USP36: variants seen among roughly 807,000 people sequenced by gnomAD.
The protein encoded by USP36 is ubiquitin specific peptidase 36.
In USP36, 59 loss-of-function variants were observed where a neutral mutation model predicts 111.5. The ratio of observed to expected loss-of-function variants is 0.53; its 90% CI spans 0.43 to 0.66. The LOEUF is 0.66. Ranked by LOEUF, USP36 falls within the 30% of genes least tolerant of loss-of-function variation. USP36 has a pLI of 0.00. For synonymous variants in USP36, 628 were observed against 581.0 expected, an observed-to-expected ratio of 1.08 and a Z score of -1.16; for missense variants, 1,488 against 1,468.0, an observed-to-expected ratio of 1.01 and a Z score of -0.22.
At position 78,826,729 on chromosome 17, in the gene USP36, G is replaced by A. The variant is rs995625330; in HGVS notation, c.689+516C>T. 3 of 231,372 alleles carry A rather than the reference G, an allele frequency of 1.3e-5. No individual in the cohort carries two copies. The East Asian group carries it at 2.8e-4, about 21-fold the overall frequency. 14.3% of individuals were successfully genotyped at this position (231,372 alleles called of 1,614,324 possible). A position where few individuals can be genotyped will look rare whatever the true frequency, so the allele number is the denominator to read the frequency against. ...AACCATCACATATAAGGGCTTACGT[G>A]GCGTGTGAATAAGAAACAGCAGCCA... On this transcript the variant is annotated intron_variant, in intron 6 of 20. Transcript: ENST00000449938.
chr17:78,806,363 C>T, intron 14 of USP36, 77 bp from the exon 15 acceptor site: 2 of 1,551,296 alleles, frequency 1.3e-6, no homozygotes, highest in East Asian at 2.3e-5. Flanking sequence ...ACAAAAGTAA[C>T]AAAAAATGAA....
In USP36 at chr17:78,803,648, C is replaced by T; in HGVS notation, c.2547G>A (p.Lys849=). The T allele has an allele frequency of 6.2e-7, 1 of 1,603,868 alleles. No homozygotes were observed. Among genetic ancestry groups the T allele is most frequent in the Non-Finnish European group, 8.5e-7 (1 of 1,175,750 alleles). Residue 849 remains lysine (K), a synonymous_variant, in exon 16 of 21, where the codon AAG becomes AAA. Transcript: ENST00000449938. The surrounding 1 kb of genome is among the most constrained non-coding windows in gnomAD (Gnocchi z 4.6). ...APHGKRKRKK[K]KRPEDTAASA... ...TGGCAGCTGTGTCCTCCGGGCGCTTCTTCTTCTTCCTCTTCCTCTTCCCGT... is the reference window on the plus strand; with the variant it reads ...TGGCAGCTGTGTCCTCCGGGCGCTTTTTCTTCTTCCTCTTCCTCTTCCCGT...
At chr17:78,833,427 G>C (rs2068338632) in intron 4 of USP36, among the ~76,000 whole-genome samples, 2 of 152,034 alleles carry the variant, frequency 1.3e-5, no homozygotes, top group African/African-American at 4.8e-5. Context: ...GATTACAGGT[G>C]TGAGCCACCG....
At chr17:78,799,620 A>C in intron 18 of USP36, 47 bp downstream of exon 18, 1 of 1,587,600 alleles carries the variant, frequency 6.3e-7, no homozygotes. Context: ...CCTCCTACAA[A>C]ACCAACCAAT....
rs150845794 is a variant in USP36, at chr17:78,813,460, C to T, written c.1265+313G>A. ...TCCCTACAGGGGCAGCTTCCCCACA[C>T]GGGAAGGGGCATTGGCTGGCTACCA... On this transcript the variant is annotated intron_variant, in intron 12 of 20. Transcript: ENST00000449938. Among the ~76,000 whole-genome samples, 95 of 152,284 alleles carry T rather than the reference C, an allele frequency of 6.2e-4. 1 individual carries two copies. The East Asian group carries it at 0.016, about 25-fold the overall frequency.
downstream of USP36, among the ~76,000 whole-genome samples, chr17:78,792,803 C>G (rs2093594266): frequency 6.6e-6 from 1 of 152,142 alleles, no homozygotes; most frequent in African/African-American, 2.4e-5. Context: ...ACTGCAACCT[C>G]CACCTCCCAG....
At chr17:78,826,333 G>A (rs887733272) in intron 6 of USP36, 4 of 152,198 alleles carry the variant, frequency 2.6e-5, no homozygotes, top group Non-Finnish European at 5.9e-5. Context: ...TTGGAGACCA[G>A]CCTGGCCAAC....
intron 7 of USP36, chr17:78,821,285 T>G (rs1343843407): frequency 6.5e-6 from 3 of 460,036 alleles, no homozygotes; most frequent in African/African-American, 2.0e-5. Context: ...GGGCCCTCCC[T>G]GCCTGGACTG....
Position 78,829,006 on chromosome 17 carries a change from G to C in USP36, c.477C>G (p.Cys159Trp), listed in dbSNP as rs757967737. 9 of 1,612,340 alleles carry C rather than the reference G, an allele frequency of 5.6e-6. No homozygotes were observed. Among genetic ancestry groups the C allele is most frequent in the Non-Finnish European group, 6.8e-6 (8 of 1,179,280 alleles). Reference sequence around the variant, plus strand: ...ACAGCATGCAGAAGCTTCCCTGGTGGCCTGCCGGCGTGGAAGGAGGAGCAA... The same window carrying C: ...ACAGCATGCAGAAGCTTCCCTGGTGCCCTGCCGGCGTGGAAGGAGGAGCAA... ...YLLSKEHARS[C>W]HQGSFCMLCV... The change falls in exon 5 of 21, where the codon TGC (cysteine) becomes TGG (tryptophan). Residue 159 changes from cysteine to tryptophan, a missense_variant and splice_region_variant. Around this residue, in one of 3 missense-constraint regions of USP36, gnomAD observed 219 missense variants for 209.5 expected, o/e 1.05. Transcript: ENST00000449938.
At chr17:78,823,223 A>C (rs909170018) in intron 6 of USP36, 20 of 398,552 alleles carry the variant, frequency 5.0e-5, no homozygotes, top group Non-Finnish European at 7.5e-5. Flanking sequence ...GCCACCATCT[A>C]CTGTCCCACC....
At chr17:78,809,949 C>A (rs554194809) in intron 13 of USP36, among the ~76,000 whole-genome samples, 2 of 151,640 alleles carry the variant, frequency 1.3e-5, no homozygotes, top group African/African-American at 4.8e-5. Flanking sequence ...CGGGTTCAAG[C>A]GATTCTCCTA....
chr17:78,818,499 A>G lies in USP36; in HGVS notation c.1023+168T>C, dbSNP rs74001269. Among the ~76,000 whole-genome samples, 227 of 152,360 alleles carry G rather than the reference A, an allele frequency of 1.5e-3. 2 individuals carry two copies. The highest frequency in any genetic ancestry group is 5.3e-3 in the African/African-American group (220 of 41,592). Reference sequence around the variant, plus strand: ...CTGTGACTGTCTTCCCGTCCTGGACAAGGGCGAAACTACAGTCCCTACTTC... The same window carrying G: ...CTGTGACTGTCTTCCCGTCCTGGACGAGGGCGAAACTACAGTCCCTACTTC... On this transcript the variant is annotated intron_variant, in intron 10 of 20. Coordinates refer to ENST00000449938, the MANE Select transcript of USP36 (RefSeq NM_001385174.1).
At chr17:78,789,513 G>A (rs1002025929) in intron 3 of USP36, among the ~76,000 whole-genome samples, 9 of 152,212 alleles carry the variant, frequency 5.9e-5, no homozygotes, top group African/African-American at 2.2e-4. Context: ...AGAGAGGGTG[G>A]AGCCTGGTGA....
chr17:78,800,538 C>CCT (rs2093714511), intron 17 of USP36, among the ~76,000 whole-genome samples: 2 of 152,242 alleles, frequency 1.3e-5, no homozygotes, highest in Admixed American at 1.3e-4. Flanking sequence ...TTTCTCCCTG[C>CCT]CTCCAATTCC....
chr17:78,823,790 C>T (rs2094387516), intron 6 of USP36, among the ~76,000 whole-genome samples: 1 of 152,152 alleles, frequency 6.6e-6, no homozygotes, highest in African/African-American at 2.4e-5. Context: ...CAAAACTATC[C>T]TAGACTATCG....
chr17:78,805,380 A>T (rs1033389966), intron 15 of USP36, among the ~76,000 whole-genome samples: 1 of 152,194 alleles, frequency 6.6e-6, no homozygotes, highest in African/African-American at 2.4e-5. Context: ...TTGTGTGTGT[A>T]TATGTGAGAG....
rs747063989 is a variant in USP36, at chr17:78,807,032, C to G, written c.2012G>C (p.Ser671Thr). 6.2e-7 allele frequency: 1 copy of G among 1,614,218 alleles called. No homozygotes were observed. The highest frequency in any genetic ancestry group is 8.5e-7 in the Non-Finnish European group (1 of 1,180,036). ...GCTTGCAGGCTCAGTGGTGGTGTTGCTCAGGACAGGGGACTTCAGCTTCAC... is the reference window on the plus strand; with the variant it reads ...GCTTGCAGGCTCAGTGGTGGTGTTGGTCAGGACAGGGGACTTCAGCTTCAC... The part of the protein sequence containing the change: ...KTVKLKSPVL[S>T]NTTTEPASTM... Residue 671 changes from serine (S) to threonine (T), a missense_variant, in exon 14 of 21, where the codon AGC becomes ACC. Transcript: ENST00000449938.
intron 3 of USP36, among the ~76,000 whole-genome samples, chr17:78,788,192 G>A (rs2047645056): frequency 6.6e-6 from 1 of 151,824 alleles, no homozygotes; most frequent in South Asian, 2.1e-4. Context: ...TTGAGACAGA[G>A]CCTCACTCTG....
chr17:78,806,901 C>A lies in USP36; in HGVS notation c.2085+58G>T, dbSNP rs1022825491. The A allele has an allele frequency of 2.5e-6, 4 of 1,579,606 alleles. No individual in the cohort carries two copies. In the Admixed American group the frequency reaches 5.3e-5, roughly 21 times the overall value. The stretch of plus-strand genomic sequence containing the variant: ...GTTCTCACTCCCTTCAAACCACAAC[C>A]AAGCAACTCTTGGAGCTCTCCTGAT... On this transcript the variant is annotated intron_variant, in intron 14 of 20. Transcript: ENST00000449938.
Sources: allele counts gnomAD v4.1 joint callset (sites outside exome capture counted in the v4.1 genomes callset), GRCh38; gene constraint gnomAD v4.1.1; regional missense constraint gnomAD v4.1.1; non-coding constraint Gnocchi (gnomAD v3.1); transcripts MANE v1.5; gene names NCBI Gene and HGNC (gene_info 2026-07-23, HGNC 2026-07-21).